MANBA: variants seen among roughly 807,000 people sequenced by gnomAD.
The protein encoded by MANBA is beta-mannosidase.
Under a neutral mutation model 111.1 loss-of-function variants are expected in MANBA, and 83 were observed. That is an observed-to-expected ratio of 0.75 (90% CI 0.63 to 0.90). The LOEUF is 0.90. Ranked by LOEUF, MANBA falls within the 40% of genes least tolerant of loss-of-function variation. The pLI, the probability that MANBA is intolerant of heterozygous loss-of-function variation, is 0.00. For missense variants in MANBA, 1,036 were observed against 1,069.0 expected (o/e 0.97, Z 0.43); for synonymous variants, 370 against 378.7 (o/e 0.98, Z 0.27).
intron 1 of MANBA, among the ~76,000 whole-genome samples, chr4:102,731,292 A>G (rs1723026157): frequency 6.6e-6 from 1 of 152,070 alleles, no homozygotes; most frequent in Admixed American, 6.5e-5. Flanking sequence ...GCAGTCTCTC[A>G]TTGCCCTGTG....
intron 13 of MANBA, among the ~76,000 whole-genome samples, chr4:102,642,437 C>G (rs1335743428): frequency 6.6e-6 from 1 of 152,116 alleles, no homozygotes; most frequent in Non-Finnish European, 1.5e-5. Flanking sequence ...GAAACCCCGT[C>G]TCTACTAAAA....
intron 1 of MANBA, chr4:102,727,559 C>T: frequency 4.4e-6 from 7 of 1,606,130 alleles, no homozygotes; most frequent in Non-Finnish European, 6.0e-6. Flanking sequence ...TCAAACTGAT[C>T]ACCTGGGGAC....
At chr4:102,675,322 A>G (rs143669418) in intron 7 of MANBA, among the ~76,000 whole-genome samples, 339 of 152,316 alleles carry the variant, frequency 2.2e-3, no homozygotes, top group African/African-American at 8.0e-3. Context: ...ATGTGTGCCT[A>G]CTTCATCACT....
At chr4:102,735,880 T>C (rs1193272281) in intron 1 of MANBA, among the ~76,000 whole-genome samples, 1 of 152,180 alleles carries the variant, frequency 6.6e-6, no homozygotes, top group East Asian at 1.9e-4. Flanking sequence ...AAAAGTGAAG[T>C]AGCTTTCCTG....
chr4:102,669,538 T>C (rs1277289069), intron 9 of MANBA, among the ~76,000 whole-genome samples: 1 of 152,208 alleles, frequency 6.6e-6, no homozygotes, highest in Non-Finnish European at 1.5e-5. Flanking sequence ...GGCTGTGTGA[T>C]GCAATGGTTA....
intron 1 of MANBA, chr4:102,734,643 C>G: frequency 6.7e-7 from 1 of 1,500,302 alleles, no homozygotes; most frequent in Non-Finnish European, 9.2e-7. Flanking sequence ...GCCAGACAGG[C>G]AGGGAGAGGG....
intron 1 of MANBA, chr4:102,727,729 C>T (rs1230537931): frequency 2.2e-6 from 2 of 892,426 alleles, no homozygotes; most frequent in East Asian, 4.8e-5. Context: ...GAGATGGTGC[C>T]TTCTGGCATA....
chr4:102,672,297 TTTAA>T (rs1731531286), intron 8 of MANBA, among the ~76,000 whole-genome samples: 1 of 152,254 alleles, frequency 6.6e-6, no homozygotes. Flanking sequence ...TAAAATGTTA[TTTAA>T]TTTAGATAAT....
intron 1 of MANBA, among the ~76,000 whole-genome samples, chr4:102,760,126 T>C (rs975159147): frequency 6.6e-6 from 1 of 151,800 alleles, no homozygotes; most frequent in South Asian, 2.1e-4. Context: ...TGAGAGGAAA[T>C]AGCACCTTTC....
chr4:102,641,521 G>A (rs1183029836), intron 13 of MANBA, among the ~76,000 whole-genome samples: 2 of 152,166 alleles, frequency 1.3e-5, no homozygotes, highest in African/African-American at 4.8e-5. Flanking sequence ...TTTTAGCTAT[G>A]AGCAGACAAA....
chr4:102,684,975 C>T lies in MANBA; in HGVS notation c.960+4599G>A, dbSNP rs1237497184. On this transcript the variant is annotated intron_variant, in intron 7 of 16. Coordinates refer to ENST00000647097, the MANE Select transcript of MANBA (RefSeq NM_005908.4). ...AACTGAAACCACAGATAAGGAGGCACTACTGTACCTAAATGTCAAAAACAT... is the reference window on the plus strand; with the variant it reads ...AACTGAAACCACAGATAAGGAGGCATTACTGTACCTAAATGTCAAAAACAT... Among the ~76,000 whole-genome samples the T allele has an allele frequency of 2.6e-5, 4 of 152,152 alleles. No individual in the cohort carries two copies. In the South Asian group the frequency reaches 8.3e-4, roughly 32 times the overall value.
At chr4:102,659,768 C>T (rs1730841809) in intron 11 of MANBA, among the ~76,000 whole-genome samples, 1 of 152,058 alleles carries the variant, frequency 6.6e-6, no homozygotes, top group Admixed American at 6.6e-5. Context: ...TCTTTCTGTC[C>T]CCACTTATTC....
At chr4:102,738,495 G>A (rs200378973) in intron 1 of MANBA, among the ~76,000 whole-genome samples, 2 of 152,272 alleles carry the variant, frequency 1.3e-5, no homozygotes, top group East Asian at 3.9e-4. Flanking sequence ...GACTCACAAG[G>A]GCAATAACAA....
intron 7 of MANBA, among the ~76,000 whole-genome samples, chr4:102,679,207 G>A (rs1217882884): frequency 6.6e-6 from 1 of 152,048 alleles, no homozygotes; most frequent in African/African-American, 2.4e-5. Flanking sequence ...GCAATTTGCA[G>A]ACAGCACAAC....
At chr4:102,705,266 G>A (rs1733244844) in intron 5 of MANBA, among the ~76,000 whole-genome samples, 1 of 152,124 alleles carries the variant, frequency 6.6e-6, no homozygotes. Flanking sequence ...GCAGCCCCCA[G>A]GACTAGTATA....
intron 5 of MANBA, among the ~76,000 whole-genome samples, chr4:102,707,599 AG>A (rs1046616497): frequency 2.0e-5 from 3 of 152,224 alleles, no homozygotes; most frequent in Non-Finnish European, 4.4e-5. Flanking sequence ...AAACAAAAAA[AG>A]GTATACAAAA....
At chr4:102,715,615 T>C (rs1453730033) in intron 4 of MANBA, among the ~76,000 whole-genome samples, 2 of 152,154 alleles carry the variant, frequency 1.3e-5, no homozygotes, top group African/African-American at 2.4e-5. Context: ...TAGTACCCAT[T>C]AGTTATTTTT....
chr4:102,728,807 T>C (rs1342721904), intron 1 of MANBA: 3 of 911,510 alleles, frequency 3.3e-6, no homozygotes, highest in South Asian at 1.4e-5. Context: ...CTCGATCTTC[T>C]TCACAACCAC....
At chr4:102,680,617 C>A (rs1213888917) in intron 7 of MANBA, among the ~76,000 whole-genome samples, 1 of 151,844 alleles carries the variant, frequency 6.6e-6, no homozygotes, top group Non-Finnish European at 1.5e-5. Flanking sequence ...AAAAAAGTTT[C>A]CAAAAAAGCA....
Sources: allele counts gnomAD v4.1 joint callset (sites outside exome capture counted in the v4.1 genomes callset), GRCh38; gene constraint gnomAD v4.1.1; transcripts MANE v1.5; gene names NCBI Gene and HGNC (gene_info 2026-07-23, HGNC 2026-07-21).